FZR1: variants seen among roughly 807,000 people sequenced by gnomAD.
The protein encoded by FZR1 is fizzy-related protein homolog.
Under a neutral mutation model 63.6 loss-of-function variants are expected in FZR1, and 11 were observed. The observed-to-expected ratio is 0.17, with a 90% CI of 0.11 to 0.29. The LOEUF (loss-of-function observed/expected upper bound fraction) is 0.29, where lower values mean the gene tolerates loss of function less well. Ranked by LOEUF, FZR1 falls within the 10% of genes least tolerant of loss-of-function variation. The pLI, the probability that FZR1 is intolerant of heterozygous loss-of-function variation, is 1.00. For missense variants in FZR1, 440 were observed against 687.5 expected (o/e 0.64, Z 4.03); for synonymous variants, 328 against 297.9 (o/e 1.10, Z -1.04).
At position 3,533,396 on chromosome 19, in the gene FZR1, C is replaced by A; in HGVS notation, c.1345C>A (p.Leu449Met). The A allele has an allele frequency of 6.3e-7, 1 of 1,599,204 alleles. No homozygotes were observed. Among genetic ancestry groups the A allele is most frequent in the Non-Finnish European group, 8.6e-7 (1 of 1,167,328 alleles). Residue 449 changes from leucine (L) to methionine (M), a missense_variant and splice_region_variant, in exon 12 of 14, where the codon CTG becomes ATG. Coordinates refer to ENST00000441788, the MANE Select transcript of FZR1 (RefSeq NM_016263.4). The surrounding 1 kb of genome is among the most constrained non-coding windows in gnomAD (Gnocchi z 4.9). ...CGGGCACTCCTACCGCGTGCTGTAC[C>A]TGGTGAGTTCACGCCAGGCACTTCA... is the stretch of plus-strand genomic sequence containing the variant. ...LTGHSYRVLY[L>M]AMSPDGEAIV...
intron 1 of FZR1, among the ~76,000 whole-genome samples, chr19:3,507,627 C>T (rs1009695277): frequency 1.1e-4 from 16 of 152,166 alleles, no homozygotes; most frequent in African/African-American, 2.9e-4. Context: ...GGTGATTTAC[C>T]TAAGGGAAAA....
At position 3,534,801 on chromosome 19, in the gene FZR1, G is replaced by A; in HGVS notation, c.1447G>A (p.Val483Met). ...FSKTRSTKES[V>M]SVLNLFTRIR ...CATCCCCATGTGTCTGCAGGAGTCT[G>A]TGTCTGTGCTCAACCTCTTCACCAG... Residue 483 changes from valine (V) to methionine (M), a missense_variant, in exon 14 of 14, where the codon GTG (valine) becomes ATG (methionine). Val to Met is a conservative substitution (Grantham distance 21). Transcript: ENST00000441788. 6.2e-7 allele frequency: 1 copy of A among 1,612,952 alleles called. No individual in the cohort carries two copies. Among genetic ancestry groups the A allele is most frequent in the Non-Finnish European group, 8.5e-7 (1 of 1,179,724 alleles).
chr19:3,534,596 A>C (rs2083278904), intron 13 of FZR1, 83 bp downstream of exon 13: 1 of 1,004,492 alleles, frequency 1.0e-6, no homozygotes, highest in South Asian at 1.4e-5. Context: ...CCTCGGGCGT[A>C]CCCTCCTCTG....
intron 1 of FZR1, among the ~76,000 whole-genome samples, chr19:3,509,083 CTCG>C (rs1206404306): frequency 6.6e-6 from 1 of 152,260 alleles, no homozygotes; most frequent in Non-Finnish European, 1.5e-5. Flanking sequence ...CAGTGACCTG[CTCG>C]TCAACTCCGC....
In FZR1 at chr19:3,534,889, G is replaced by T; in HGVS notation, c.*53G>T. On this transcript the variant is annotated 3_prime_UTR_variant, in exon 14 of 14. Coordinates refer to ENST00000441788, the MANE Select transcript of FZR1 (RefSeq NM_016263.4). Reference sequence around the variant, plus strand: ...AGCTGTCCAGAGTCGGAGGACCCCAGCTCCTCAGCTTGCATGGACTCTGCC... The same window carrying T: ...AGCTGTCCAGAGTCGGAGGACCCCATCTCCTCAGCTTGCATGGACTCTGCC... The T allele has an allele frequency of 1.4e-6, 2 of 1,423,060 alleles. No homozygotes were observed. The highest frequency in any genetic ancestry group is 2.0e-6 in the Non-Finnish European group (2 of 1,010,110). The allele number at this position is 1,423,060 out of a possible 1,614,324, so 88.2% of individuals were successfully genotyped here. A position where few individuals can be genotyped will look rare whatever the true frequency, so the allele number is the denominator to read the frequency against.
In FZR1 at chr19:3,535,474, G is replaced by C. The variant is rs149342008; in HGVS notation, c.*638G>C. The C allele has an allele frequency of 1.8e-3, 283 of 153,662 alleles. 2 individuals are homozygous for C. Among genetic ancestry groups the C allele is most frequent in the Non-Finnish European group, 1.1e-3 (79 of 69,004 alleles). 9.5% of individuals were successfully genotyped at this position (153,662 alleles called of 1,614,324 possible). A position where few individuals can be genotyped will look rare whatever the true frequency, so the allele number is the denominator to read the frequency against. On this transcript the variant is annotated 3_prime_UTR_variant, in exon 14 of 14. Coordinates refer to ENST00000441788, the MANE Select transcript of FZR1 (RefSeq NM_016263.4). Reference sequence around the variant, plus strand: ...CACTGCTCGAAGCAGCAGTCTCTCTGGAAGCATCTGTGTCATGGCCATCGC... The same window carrying C: ...CACTGCTCGAAGCAGCAGTCTCTCTCGAAGCATCTGTGTCATGGCCATCGC...
Position 3,530,063 on chromosome 19 carries a change from T to A in FZR1, c.655-729T>A, listed in dbSNP as rs1420373750. Among the ~76,000 whole-genome samples the A allele has an allele frequency of 1.3e-3, 75 of 57,500 alleles. 3 individuals are homozygous for A. Among genetic ancestry groups the A allele is most frequent in the Middle Eastern group, 0.014 (1 of 72 alleles). The allele number at this position is 57,500 out of a possible 152,430, so 37.7% of individuals were successfully genotyped here. On this transcript the variant is annotated intron_variant, in intron 7 of 13. Coordinates refer to ENST00000441788, the MANE Select transcript of FZR1 (RefSeq NM_016263.4). ...GTGAGCGGATGGGAGAGCAGATGGG[T>A]GAGCGGATGGGAGAGCGGATGGGAG...
chr19:3,518,695 A>G (rs2083076936), intron 1 of FZR1, among the ~76,000 whole-genome samples: 2 of 152,274 alleles, frequency 1.3e-5, no homozygotes, highest in Admixed American at 6.5e-5. Context: ...GTTGGGGGCC[A>G]CTTTTACAAA....
chr19:3,530,013 G>T (rs1405248999), intron 7 of FZR1, among the ~76,000 whole-genome samples: 1 of 126,086 alleles, frequency 7.9e-6, no homozygotes, highest in African/African-American at 3.2e-5. Flanking sequence ...AGAGCAGATG[G>T]GTGAGTGGAT....
chr19:3,518,446 A>G (rs2083074971), intron 1 of FZR1, among the ~76,000 whole-genome samples: 1 of 152,188 alleles, frequency 6.6e-6, no homozygotes, highest in African/African-American at 2.4e-5. Flanking sequence ...CTGAAAGTAC[A>G]GAAGCCACAA....
chr19:3,533,459 C>A lies in FZR1; in HGVS notation c.1347+61C>A. ...ATTCTGGACAAACTGCCATGGCCAC[C>A]CCAGAGCACCCTGTCCTGTGTTCTT... On this transcript the variant is annotated intron_variant, in intron 12 of 13. Coordinates refer to ENST00000441788, the MANE Select transcript of FZR1 (RefSeq NM_016263.4). This position sits in a 1 kb window ranked among gnomAD's most constrained non-coding sequence, Gnocchi z 4.9. The A allele has an allele frequency of 1.0e-6, 1 of 953,960 alleles. No homozygotes were observed. The highest frequency in any genetic ancestry group is 1.7e-6 in the Non-Finnish European group (1 of 586,122). The allele number at this position is 953,960 out of a possible 1,614,324, so 59.1% of individuals were successfully genotyped here.
rs2029907835 is a variant in FZR1, at chr19:3,535,422, C to CT, written c.*586_*587insT. 6.5e-6 allele frequency: 1 copy of CT among 153,648 alleles called. No individual in the cohort carries two copies. The highest frequency in any genetic ancestry group is 2.4e-5 in the African/African-American group (1 of 41,494). 9.5% of individuals were successfully genotyped at this position (153,648 alleles called of 1,614,324 possible). The stretch of plus-strand genomic sequence containing the variant: ...AGAGACAGTCCCCACCTGGGCTTCA[C>CT]GGCATCCTTGCAGCCACCTCTGCTG... On this transcript the variant is annotated 3_prime_UTR_variant, in exon 14 of 14. Coordinates refer to ENST00000441788, the MANE Select transcript of FZR1 (RefSeq NM_016263.4).
intron 1 of FZR1, among the ~76,000 whole-genome samples, chr19:3,522,151 T>C (rs2083108383): frequency 6.6e-6 from 1 of 152,224 alleles, no homozygotes; most frequent in Non-Finnish European, 1.5e-5. Flanking sequence ...CCTTGGGCTG[T>C]GGTTTGCTGG....
chr19:3,513,428 G>A (rs958056891), intron 1 of FZR1, among the ~76,000 whole-genome samples: 4 of 152,218 alleles, frequency 2.6e-5, no homozygotes, highest in African/African-American at 9.6e-5. Context: ...GGGCCAGGGA[G>A]TGGGCACAGA....
intron 2 of FZR1, among the ~76,000 whole-genome samples, chr19:3,523,826 G>A (rs2083126221): frequency 6.6e-6 from 1 of 152,232 alleles, no homozygotes; most frequent in African/African-American, 2.4e-5. Flanking sequence ...CAACCTCTGT[G>A]CCCAGGCATT....
At chr19:3,527,372 G>A (rs2083170637) in intron 6 of FZR1, among the ~76,000 whole-genome samples, 1 of 152,210 alleles carries the variant, frequency 6.6e-6, no homozygotes, top group South Asian at 2.1e-4. Flanking sequence ...ACAAGGGGCA[G>A]GGTAGTCAGG....
chr19:3,511,163 G>T (rs970372411), intron 1 of FZR1, among the ~76,000 whole-genome samples: 11 of 152,222 alleles, frequency 7.2e-5, no homozygotes, highest in Admixed American at 6.5e-5. Flanking sequence ...GCAGACCCAG[G>T]TGTCTTTTAG....
chr19:3,506,493 G>C lies in FZR1; in HGVS notation c.-35+19G>C, dbSNP rs1156745678. On this transcript the variant is annotated intron_variant, in intron 1 of 13. Coordinates refer to ENST00000441788, the MANE Select transcript of FZR1 (RefSeq NM_016263.4). ...GAGCCAGGTGAGGCGGCCGGGGTCG[G>C]GGACCCGCCCCCCGGGCCCTAGGCG... 2.0e-5 allele frequency: 3 copies of C among 151,716 alleles called. No individual in the cohort carries two copies. The highest frequency in any genetic ancestry group is 4.4e-5 in the Non-Finnish European group (3 of 67,866). 9.4% of individuals were successfully genotyped at this position (151,716 alleles called of 1,614,324 possible).
Position 3,526,937 on chromosome 19 carries a change from C to T in FZR1, c.388-43C>T, listed in dbSNP as rs763587385. 41 of 1,417,758 alleles carry T rather than the reference C, an allele frequency of 2.9e-5. No homozygotes were observed. The highest frequency in any genetic ancestry group is 3.4e-5 in the Non-Finnish European group (34 of 1,007,718). 87.8% of individuals were successfully genotyped at this position (1,417,758 alleles called of 1,614,324 possible). On this transcript the variant is annotated intron_variant, in intron 5 of 13. Transcript: ENST00000441788. This position sits in a 1 kb window ranked among gnomAD's most constrained non-coding sequence, Gnocchi z 5.4. Reference sequence around the variant, plus strand: ...CTGCTGGGGGGCTCTGAGGGTCCTGCGGCCTGGGCGTGCGCTCAGCTGGCA... The same window carrying T: ...CTGCTGGGGGGCTCTGAGGGTCCTGTGGCCTGGGCGTGCGCTCAGCTGGCA...
Sources: gnomAD v4.1 joint callset for allele counts (sites outside exome capture counted in the v4.1 genomes callset) on GRCh38, gnomAD v4.1.1 for gene constraint, Gnocchi (gnomAD v3.1) non-coding constraint, MANE v1.5 for transcripts, NCBI Gene and HGNC (gene_info 2026-07-23, HGNC 2026-07-21) for gene names.